SEC11A: variants seen among roughly 807,000 people sequenced by gnomAD.
The protein encoded by SEC11A is signal peptidase complex catalytic subunit SEC11A.
A neutral mutation model predicts 25.6 loss-of-function variants in SEC11A; 14 were observed. That is an observed-to-expected ratio of 0.55 (90% CI 0.36 to 0.85). The LOEUF is 0.85. Among genes scored for constraint, SEC11A ranks in the 40% least tolerant of loss-of-function variants. The pLI, the probability that SEC11A is intolerant of heterozygous loss-of-function variation, is 0.01. For synonymous variants in SEC11A, 83 were observed against 76.4 expected, an observed-to-expected ratio of 1.09 and a Z score of -0.45; for missense variants, 153 against 222.9, an observed-to-expected ratio of 0.69 and a Z score of 2.00.
intron 3 of SEC11A, among the ~76,000 whole-genome samples, chr15:84,683,277 G>A (rs1897324763): frequency 6.6e-6 from 1 of 152,070 alleles, no homozygotes; most frequent in African/African-American, 2.4e-5. Flanking sequence ...TGCAGAAAAG[G>A]CAAATCAGAT....
intron 1 of SEC11A, among the ~76,000 whole-genome samples, chr15:84,701,275 C>A (rs1219147822): frequency 6.6e-6 from 1 of 151,760 alleles, no homozygotes; most frequent in Non-Finnish European, 1.5e-5. Flanking sequence ...GAGTTTGAGA[C>A]CAGCCTGGGC....
At chr15:84,695,912 G>A (rs1017836811) in intron 1 of SEC11A, among the ~76,000 whole-genome samples, 11 of 152,122 alleles carry the variant, frequency 7.2e-5, no homozygotes, top group Non-Finnish European at 1.5e-4. Flanking sequence ...TGTTTTTACA[G>A]TTTTTACTAT....
In SEC11A at chr15:84,669,873, A is replaced by T; in HGVS notation, c.*146T>A. The T allele has an allele frequency of 6.7e-7, 1 of 1,493,130 alleles. No individual in the cohort carries two copies. The highest frequency in any genetic ancestry group is 9.1e-7 in the Non-Finnish European group (1 of 1,100,274). The allele number at this position is 1,493,130 out of a possible 1,614,324, so 92.5% of individuals were successfully genotyped here. A position where few individuals can be genotyped will look rare whatever the true frequency, so the allele number is the denominator to read the frequency against. On this transcript the variant is annotated 3_prime_UTR_variant, in exon 6 of 6. Coordinates refer to ENST00000268220, the MANE Select transcript of SEC11A (RefSeq NM_014300.4). ...TGCGCCCGCCCACACAAACTCTGGC[A>T]TGGAAACATAAACTAATGCAAACCA...
intron 4 of SEC11A, among the ~76,000 whole-genome samples, chr15:84,674,699 C>G (rs1897089848): frequency 6.6e-6 from 1 of 152,068 alleles, no homozygotes; most frequent in East Asian, 1.9e-4. Flanking sequence ...GCTGGGACTA[C>G]AAGTGCACGC....
intron 1 of SEC11A, among the ~76,000 whole-genome samples, chr15:84,711,725 C>T (rs777501915): frequency 7.0e-6 from 1 of 143,794 alleles, no homozygotes; most frequent in Non-Finnish European, 1.5e-5. Context: ...TGCGGTGAGC[C>T]GAGATCACGT....
chr15:84,702,128 T>G (rs773146891), intron 1 of SEC11A, among the ~76,000 whole-genome samples: 18 of 150,746 alleles, frequency 1.2e-4, no homozygotes, highest in Admixed American at 6.0e-4. Flanking sequence ...AATGTAAAAA[T>G]TCTAAACATT....
In SEC11A at chr15:84,683,425, T is replaced by A. The variant is rs74024731; in HGVS notation, c.312-2593A>T. On this transcript the variant is annotated intron_variant, in intron 3 of 5. Transcript: ENST00000268220. The stretch of plus-strand genomic sequence containing the variant: ...CAAACAAACAAACAAACAAACAAAC[T>A]AACTAACACACCCAATTTCCCCTTC... 7.6e-3 allele frequency among the ~76,000 whole-genome samples: 1,113 copies of A among 146,492 alleles called. 15 individuals are homozygous for A. Among genetic ancestry groups the A allele is most frequent in the African/African-American group, 0.026 (980 of 37,350 alleles).
At chr15:84,679,264 G>A (rs1486049844) in intron 4 of SEC11A, 1 of 1,265,658 alleles carries the variant, frequency 7.9e-7, no homozygotes, top group Non-Finnish European at 1.0e-6. Context: ...ATGGGGACTA[G>A]TATTTCTCAG....
chr15:84,682,373 G>A (rs1897303307), intron 3 of SEC11A, among the ~76,000 whole-genome samples: 1 of 152,068 alleles, frequency 6.6e-6, no homozygotes, highest in Non-Finnish European at 1.5e-5. Context: ...AGGAAAAAAT[G>A]TTAGCTTTCA....
intron 1 of SEC11A, among the ~76,000 whole-genome samples, chr15:84,702,051 G>A (rs1897960960): frequency 2.6e-5 from 4 of 151,272 alleles, no homozygotes; most frequent in Admixed American, 2.6e-4. Context: ...TGGAGACACA[G>A]CGAGAGTCTG....
chr15:84,670,904 A>G (rs1401568965), intron 4 of SEC11A, 122 bp from the exon 5 acceptor site: 15 of 507,374 alleles, frequency 3.0e-5, no homozygotes, highest in Admixed American at 1.2e-4. Flanking sequence ...GTCCATTTCT[A>G]TATACTGCCC....
intron 4 of SEC11A, among the ~76,000 whole-genome samples, chr15:84,676,467 T>G (rs1897137013): frequency 6.6e-6 from 1 of 150,706 alleles, no homozygotes; most frequent in Admixed American, 6.6e-5. Flanking sequence ...AAAAAAAATT[T>G]TTTTTTTTTT....
intron 4 of SEC11A, chr15:84,679,951 A>G (rs754121539): frequency 1.4e-5 from 21 of 1,530,724 alleles, no homozygotes; most frequent in East Asian, 2.4e-5. Flanking sequence ...CCTCCACTGA[A>G]CTGTTCTCCT....
intron 1 of SEC11A, among the ~76,000 whole-genome samples, chr15:84,695,088 TAAAAAAAAAAAAAAAAAAAA>T (rs55789527): frequency 3.7e-5 from 1 of 26,912 alleles, no homozygotes; most frequent in Non-Finnish European, 5.4e-5. Context: ...AGACTCCATC[TAAAAAAAAAAAAAAAAAAAA>T]AAAAAAAAAG....
intron 4 of SEC11A, 30 bp from the exon 5 acceptor site, chr15:84,670,812 G>C: frequency 8.9e-7 from 1 of 1,122,856 alleles, no homozygotes; most frequent in Non-Finnish European, 1.3e-6. Flanking sequence ...GATTATCACA[G>C]AATTTCCGAT....
At chr15:84,694,359 A>G (rs2141900458) in intron 1 of SEC11A, among the ~76,000 whole-genome samples, 1 of 152,328 alleles carries the variant, frequency 6.6e-6, no homozygotes, top group South Asian at 2.1e-4. Context: ...TCTCAAAAAA[A>G]AAAAGGAAGA....
At chr15:84,677,246 C>A (rs1440146261) in intron 4 of SEC11A, among the ~76,000 whole-genome samples, 1 of 151,916 alleles carries the variant, frequency 6.6e-6, no homozygotes, top group Non-Finnish European at 1.5e-5. Flanking sequence ...TGTTCCATTA[C>A]GTGTCAAGCT....
At chr15:84,678,803 G>A (rs1233185367) in intron 4 of SEC11A, among the ~76,000 whole-genome samples, 1 of 151,986 alleles carries the variant, frequency 6.6e-6, no homozygotes, top group Non-Finnish European at 1.5e-5. Context: ...GACCAGCCTG[G>A]GCAACATATC....
intron 3 of SEC11A, among the ~76,000 whole-genome samples, chr15:84,684,054 C>T (rs1230023471): frequency 1.3e-5 from 2 of 151,998 alleles, no homozygotes; most frequent in Non-Finnish European, 2.9e-5. Context: ...AAATAAGACC[C>T]CAAAAGCTAA....
Sources: allele counts gnomAD v4.1 joint callset (sites outside exome capture counted in the v4.1 genomes callset), GRCh38; gene constraint gnomAD v4.1.1; transcripts MANE v1.5; gene names NCBI Gene and HGNC (gene_info 2026-07-23, HGNC 2026-07-21).